GALNT10: variants seen among roughly 807,000 people sequenced by gnomAD.
GALNT10 encodes the protein polypeptide N-acetylgalactosaminyltransferase 10, also known as GalNAc transferase 10.
Under a neutral mutation model 75.0 loss-of-function variants are expected in GALNT10, and 41 were observed. The ratio of observed to expected loss-of-function variants is 0.55; its 90% CI spans 0.43 to 0.71. The LOEUF (loss-of-function observed/expected upper bound fraction) is 0.71. Among genes scored for constraint, GALNT10 ranks in the 30% least tolerant of loss-of-function variants. The pLI is 0.00. For synonymous variants in GALNT10, 302 were observed against 313.0 expected (o/e 0.96, Z 0.37); for missense variants, 727 against 818.5 (o/e 0.89, Z 1.36).
At chr5:154,405,250 T>C (rs1756250362) in intron 8 of GALNT10, among the ~76,000 whole-genome samples, 1 of 152,058 alleles carries the variant, frequency 6.6e-6, no homozygotes, top group South Asian at 2.1e-4. Context: ...AGAAGAGCGT[T>C]GTCCTGTGAC....
intron 1 of GALNT10, among the ~76,000 whole-genome samples, chr5:154,201,215 T>G (rs1333810694): frequency 6.6e-6 from 1 of 152,034 alleles, no homozygotes; most frequent in Admixed American, 6.6e-5. Context: ...CTTTATGATA[T>G]GCAAATTCCC....
intron 3 of GALNT10, among the ~76,000 whole-genome samples, chr5:154,313,307 A>G (rs1754548688): frequency 8.2e-6 from 1 of 122,358 alleles, no homozygotes; most frequent in South Asian, 2.6e-4. Flanking sequence ...GAGACTCTTG[A>G]AAAAAAAAAA....
chr5:154,395,794 C>T (rs1016129580), intron 7 of GALNT10, among the ~76,000 whole-genome samples: 9 of 152,238 alleles, frequency 5.9e-5, no homozygotes, highest in Admixed American at 1.3e-4. Context: ...CATTCCAGTA[C>T]GCGGTGGCTC....
intron 4 of GALNT10, among the ~76,000 whole-genome samples, chr5:154,362,546 G>A (rs1755406882): frequency 6.6e-6 from 1 of 152,162 alleles, no homozygotes; most frequent in Admixed American, 6.5e-5. Context: ...ATCTCAGAAG[G>A]AGCTCAGAGG....
At chr5:154,391,045 C>G (rs1219155529) in intron 7 of GALNT10, among the ~76,000 whole-genome samples, 1 of 152,218 alleles carries the variant, frequency 6.6e-6, no homozygotes, top group African/African-American at 2.4e-5. Context: ...CTTTCTCTCT[C>G]CTGGCTTGGA....
intron 1 of GALNT10, among the ~76,000 whole-genome samples, chr5:154,227,453 T>C (rs1753081508): frequency 6.6e-6 from 1 of 152,208 alleles, no homozygotes; most frequent in African/African-American, 2.4e-5. Flanking sequence ...CTGTACATCT[T>C]TTTTTTGTTA....
intron 1 of GALNT10, among the ~76,000 whole-genome samples, chr5:154,214,851 T>C (rs1752841910): frequency 6.6e-6 from 1 of 152,232 alleles, no homozygotes; most frequent in East Asian, 1.9e-4. Flanking sequence ...CAGCAATTAC[T>C]GCTTTCCAAC....
intron 7 of GALNT10, among the ~76,000 whole-genome samples, chr5:154,401,091 T>C (rs1257586148): frequency 2.0e-5 from 3 of 152,150 alleles, no homozygotes; most frequent in Non-Finnish European, 4.4e-5. Flanking sequence ...GCCTCAAGCC[T>C]CCCGACATAT....
chr5:154,225,111 T>A (rs1251429476), intron 1 of GALNT10, among the ~76,000 whole-genome samples: 2 of 150,670 alleles, frequency 1.3e-5, no homozygotes, highest in Non-Finnish European at 3.0e-5. Context: ...TGTTTTTTTT[T>A]AGACAGAGTC....
intron 3 of GALNT10, among the ~76,000 whole-genome samples, chr5:154,309,905 GT>G: frequency 6.6e-6 from 1 of 152,284 alleles, no homozygotes. Flanking sequence ...TTTTATTGTG[GT>G]TTTAATTAAC....
chr5:154,354,684 G>A (rs1454616871), intron 4 of GALNT10, among the ~76,000 whole-genome samples: 2 of 152,152 alleles, frequency 1.3e-5, no homozygotes, highest in African/African-American at 2.4e-5. Flanking sequence ...GGGTGGGGGG[G>A]TATCGTTGGG....
rs747372600 is a variant in GALNT10, at chr5:154,409,618, C to T, written c.1242C>T (p.His414=). The change falls in exon 9 of 12, where the codon CAC becomes CAT. Residue 414 remains histidine (H), a synonymous_variant. Coordinates refer to ENST00000297107, the MANE Select transcript of GALNT10 (RefSeq NM_198321.4). This position sits in a 1 kb window ranked among gnomAD's most constrained non-coding sequence, Gnocchi z 4.5. ...ACCAGCGCCGGCCTGAATACCGCCA[C>T]CTCTCCGCTGGGGATGTCGCAGTCC... The part of the protein sequence containing the change: ...YIYQRRPEYR[H]LSAGDVAVQK... 7 of 1,613,840 alleles carry T rather than the reference C, an allele frequency of 4.3e-6. No individual in the cohort carries two copies. The highest frequency in any genetic ancestry group is 1.1e-5 in the South Asian group (1 of 91,076).
intron 2 of GALNT10, 49 bp from the exon 3 acceptor site, chr5:154,297,892 C>T (rs368289180): frequency 1.3e-6 from 2 of 1,551,600 alleles, no homozygotes. Context: ...ACTCCATATA[C>T]AGTACCCCAT....
At chr5:154,405,852 T>TTTGTTG (rs766497502) in intron 8 of GALNT10, among the ~76,000 whole-genome samples, 3 of 142,468 alleles carry the variant, frequency 2.1e-5, no homozygotes, top group African/African-American at 5.2e-5. Flanking sequence ...TCAAAGAAAG[T>TTTGTTG]TTGTTGTTGT....
At chr5:154,374,367 G>C (rs1005960660) in intron 4 of GALNT10, among the ~76,000 whole-genome samples, 2 of 152,200 alleles carry the variant, frequency 1.3e-5, no homozygotes, top group Non-Finnish European at 2.9e-5. Flanking sequence ...CTGCCTACAA[G>C]ATGCCAGACA....
intron 3 of GALNT10, among the ~76,000 whole-genome samples, chr5:154,306,844 C>T (rs950246113): frequency 2.0e-5 from 3 of 152,172 alleles, no homozygotes; most frequent in African/African-American, 7.2e-5. Flanking sequence ...AGAAAATCAG[C>T]AAGGATATAG....
Position 154,380,261 on chromosome 5 carries a change from A to T in GALNT10, c.755-187A>T, listed in dbSNP as rs566214030. On this transcript the variant is annotated intron_variant, in intron 5 of 11. Transcript: ENST00000297107. ...GCAGCTGCCTCAGGGCCCCATGGAG[A>T]GTAAAAGGACTGAGATGAGAGCCTC... Among the ~76,000 whole-genome samples the T allele has an allele frequency of 3.3e-5, 5 of 152,190 alleles. No homozygotes were observed. The South Asian group carries it at 1.0e-3, about 32-fold the overall frequency.
intron 1 of GALNT10, among the ~76,000 whole-genome samples, chr5:154,253,119 G>A (rs1024464519): frequency 5.4e-5 from 8 of 149,030 alleles, no homozygotes; most frequent in African/African-American, 9.9e-5. Flanking sequence ...AACTTACGTC[G>A]TATACCTTAG....
rs71577134 is a variant in GALNT10, at chr5:154,367,857, CAA to C, written c.569-8406_569-8405del. Among the ~76,000 whole-genome samples, 30 of 77,020 alleles carry C rather than the reference CAA, an allele frequency of 3.9e-4. No homozygotes were observed. In the South Asian group the frequency reaches 4.3e-3, roughly 11 times the overall value. 50.5% of individuals were successfully genotyped at this position (77,020 alleles called of 152,430 possible). ...TGGGTGACAGAGCAAGACTCCGTCT[CAA>C]AAAAAAAAAAAAAGAGAGAGACTCA... On this transcript the variant is annotated intron_variant, in intron 4 of 11. Coordinates refer to ENST00000297107, the MANE Select transcript of GALNT10 (RefSeq NM_198321.4).
Sources: allele counts gnomAD v4.1 joint callset (sites outside exome capture counted in the v4.1 genomes callset), GRCh38; gene constraint gnomAD v4.1.1; non-coding constraint Gnocchi (gnomAD v3.1); transcripts MANE v1.5; gene names NCBI Gene and HGNC (gene_info 2026-07-23, HGNC 2026-07-21).